Variants in ROBO2 observed in about 807,000 individuals in gnomAD.
ROBO2 encodes roundabout guidance receptor 2.
A neutral mutation model predicts 160.8 loss-of-function variants in ROBO2; 53 were observed. That is an observed-to-expected ratio of 0.33 (90% confidence interval 0.26 to 0.41). The LOEUF is 0.41. ROBO2 is among the 10% of genes least tolerant of loss of function. ROBO2 has a pLI of 1.00. For synonymous variants in ROBO2, 664 were observed against 611.7 expected (o/e 1.09, Z -1.26); for missense variants, 1,577 against 1,722.4 (o/e 0.92, Z 1.49).
At chr3:77,305,539 C>T (rs1208793792) in intron 2 of ROBO2, among the ~76,000 whole-genome samples, 1 of 152,098 alleles carries the variant, frequency 6.6e-6, no homozygotes, top group Non-Finnish European at 1.5e-5. Flanking sequence ...TGTCTGTTCC[C>T]CCTTTATCTG....
At chr3:76,505,907 ATATT>A (rs1396739718) in intron 2 of ROBO2, among the ~76,000 whole-genome samples, 1 of 152,196 alleles carries the variant, frequency 6.6e-6, no homozygotes, top group African/African-American at 2.4e-5. Flanking sequence ...AAGTAAATGA[ATATT>A]TATATTTTAT....
chr3:75,941,684 G>A (rs1948061626), intron 2 of ROBO2, among the ~76,000 whole-genome samples: 1 of 152,108 alleles, frequency 6.6e-6, no homozygotes, highest in Non-Finnish European at 1.5e-5. Context: ...CAGCTATTAA[G>A]CAGTCAAAAA....
chr3:76,434,930 C>T, intron 2 of ROBO2: 2 of 1,601,046 alleles, frequency 1.2e-6, no homozygotes, highest in Non-Finnish European at 1.7e-6. Flanking sequence ...CCAGCCCATC[C>T]CCCAAACCAG....
intron 2 of ROBO2, among the ~76,000 whole-genome samples, chr3:76,143,971 T>G (rs2106785678): frequency 6.6e-6 from 1 of 152,030 alleles, no homozygotes; most frequent in African/African-American, 2.4e-5. Flanking sequence ...TTTTTTTCTA[T>G]TCAGGCCTTT....
intron 2 of ROBO2, among the ~76,000 whole-genome samples, chr3:76,652,207 T>G (rs371148232): frequency 1.2e-4 from 18 of 152,320 alleles, no homozygotes; most frequent in African/African-American, 3.6e-4. Flanking sequence ...TTTAATCACT[T>G]CTATCAGAGG....
In ROBO2 at chr3:77,054,923, C is replaced by CGTGTGTGT. The variant is rs1426385625; in HGVS notation, c.61+14081_61+14082insGTGTGTGT. ...GGCGCCTGCAGTCCACAAAATCTCG[C>CGTGTGTGT]GTGTATGTGTGTGTGTGTGTGTGTG... On this transcript the variant is annotated intron_variant, in intron 1 of 25. Coordinates refer to ENST00000461745, the Ensembl canonical transcript of ROBO2. Among the ~76,000 whole-genome samples the CGTGTGTGT allele has an allele frequency of 4.9e-3, 288 of 58,802 alleles. 1 individual carries two copies. Among genetic ancestry groups the CGTGTGTGT allele is most frequent in the African/African-American group, 0.014 (245 of 17,384 alleles). 38.6% of individuals were successfully genotyped at this position (58,802 alleles called of 152,430 possible). A position where few individuals can be genotyped will look rare whatever the true frequency, so the allele number is the denominator to read the frequency against.
At chr3:77,289,358 G>A (rs1270347524) in intron 2 of ROBO2, among the ~76,000 whole-genome samples, 4 of 152,060 alleles carry the variant, frequency 2.6e-5, no homozygotes, top group African/African-American at 7.2e-5. Flanking sequence ...GGTTAAACGG[G>A]TAAGCTGAGA....
rs566072700 is a variant in ROBO2 at position 75,942,394 on chromosome 3, G to T, written c.109+4792G>T. Among the ~76,000 whole-genome samples, 25 of 152,198 alleles carry T rather than the reference G, an allele frequency of 1.6e-4. 1 individual carries two copies. The highest frequency in any genetic ancestry group is 5.8e-4 in the African/African-American group (24 of 41,566). On this transcript the variant is annotated intron_variant, in intron 2 of 26. Transcript: ENST00000487694. ...CCTTAAAATATCATCAAGCTAAGTA[G>T]TAGTGAAATTGAACTCTGCTGTATA...
chr3:77,632,778 A>G, intron 23 of ROBO2: 1 of 862,034 alleles, frequency 1.2e-6, no homozygotes, highest in Non-Finnish European at 1.7e-6. Flanking sequence ...AATACGCATG[A>G]ATACAGTTTG....
At chr3:76,614,704 G>T (rs1209613947) in intron 2 of ROBO2, among the ~76,000 whole-genome samples, 1 of 152,056 alleles carries the variant, frequency 6.6e-6, no homozygotes, top group East Asian at 1.9e-4. Context: ...CGCAATAACA[G>T]TGCCATGTTT....
intron 2 of ROBO2, among the ~76,000 whole-genome samples, chr3:76,584,856 A>G (rs1243526897): frequency 1.3e-5 from 2 of 152,130 alleles, no homozygotes; most frequent in South Asian, 4.2e-4. Context: ...GAGATTTCCA[A>G]GCTGTCTTCC....
intron 2 of ROBO2, among the ~76,000 whole-genome samples, chr3:76,984,549 C>A (rs2060270526): frequency 6.6e-6 from 1 of 152,086 alleles, no homozygotes; most frequent in Non-Finnish European, 1.5e-5. Context: ...GAGATAGAAG[C>A]AGTTACCGAA....
intron 2 of ROBO2, among the ~76,000 whole-genome samples, chr3:76,478,347 A>G (rs1172916773): frequency 6.6e-6 from 1 of 151,712 alleles, no homozygotes; most frequent in African/African-American, 2.4e-5. Flanking sequence ...GTCCCTACAA[A>G]GGACATGAAC....
At chr3:77,471,520 T>C (rs187540704) in intron 2 of ROBO2, among the ~76,000 whole-genome samples, 91 of 152,324 alleles carry the variant, frequency 6.0e-4, no homozygotes, top group Non-Finnish European at 1.1e-3. Flanking sequence ...CCTTGCCAAA[T>C]GGGCTTCTCC....
chr3:75,948,565 G>T (rs2107162307), intron 2 of ROBO2, among the ~76,000 whole-genome samples: 1 of 151,980 alleles, frequency 6.6e-6, no homozygotes, highest in Non-Finnish European at 1.5e-5. Flanking sequence ...TGGACTATTG[G>T]CTCTTCCTAC....
chr3:76,033,125 GTTA>G (rs1488643669), intron 2 of ROBO2, among the ~76,000 whole-genome samples: 24 of 151,780 alleles, frequency 1.6e-4, no homozygotes, highest in African/African-American at 5.3e-4. Flanking sequence ...GGGGAGAAAT[GTTA>G]TTGTTGTTTT....
chr3:76,975,262 T>C (rs1018895688), intron 2 of ROBO2, among the ~76,000 whole-genome samples: 9 of 152,148 alleles, frequency 5.9e-5, no homozygotes, highest in South Asian at 2.1e-4. Flanking sequence ...CCCAGCACTT[T>C]GGGAGGCTGA....
chr3:77,646,912 A>G (rs2095416328), exon 26 of ROBO2: 1 of 152,556 alleles, frequency 6.6e-6, no homozygotes. Context: ...ACAATAAGCA[A>G]GAGGAAATTA....
intron 2 of ROBO2, among the ~76,000 whole-genome samples, chr3:77,322,893 CATATATTATGTATTATAATATATT>C (rs2064909010): frequency 1.0e-5 from 1 of 98,776 alleles, no homozygotes; most frequent in Non-Finnish European, 1.9e-5. Context: ...TTATATTATA[CATATATTATGTATTATAATATATT>C]ATATATTATG....
Sources: allele counts gnomAD v4.1 joint callset (sites outside exome capture counted in the v4.1 genomes callset), GRCh38; gene constraint gnomAD v4.1.1; transcripts MANE v1.5; gene names NCBI Gene and HGNC (gene_info 2026-07-23, HGNC 2026-07-21).